Variants in ADK observed in about 807,000 individuals in gnomAD.
ADK encodes N6,N6-dimethyladenosine kinase.
ADK carries 24 observed loss-of-function variants against 44.7 expected under a neutral mutation model. The observed-to-expected ratio is 0.54, with a 90% CI of 0.39 to 0.76. ADK has a LOEUF of 0.76. Ranked by LOEUF, ADK falls within the 30% of genes least tolerant of loss-of-function variation. The pLI is 0.00. For missense variants in ADK, 321 were observed against 425.1 expected, an observed-to-expected ratio of 0.76 and a Z score of 2.15; for synonymous variants, 128 against 142.6, an observed-to-expected ratio of 0.90 and a Z score of 0.73.
chr10:74,168,024 A>C (rs1842075325), intron 1 of ADK, among the ~76,000 whole-genome samples: 1 of 152,198 alleles, frequency 6.6e-6, no homozygotes, highest in Admixed American at 6.5e-5. Flanking sequence ...TTAAAGTTTA[A>C]AATTTCTTTC....
intron 10 of ADK, among the ~76,000 whole-genome samples, chr10:74,688,088 A>G (rs1485716385): frequency 1.3e-5 from 2 of 152,154 alleles, no homozygotes; most frequent in Non-Finnish European, 2.9e-5. Flanking sequence ...CTTTGCCTGC[A>G]TGATGTAGCT....
intron 3 of ADK, among the ~76,000 whole-genome samples, chr10:74,239,249 CAT>C (rs1277857123): frequency 6.6e-6 from 1 of 151,818 alleles, no homozygotes; most frequent in African/African-American, 2.4e-5. Flanking sequence ...ACTATCAACA[CAT>C]GTTATGGAGT....
At chr10:74,351,474 C>G (rs1281014908) in intron 4 of ADK, among the ~76,000 whole-genome samples, 1 of 152,114 alleles carries the variant, frequency 6.6e-6, no homozygotes, top group South Asian at 2.1e-4. Flanking sequence ...ACTGAACAGG[C>G]AAAAGCTGGA....
At chr10:74,556,523 T>C (rs1376298704) in intron 7 of ADK, among the ~76,000 whole-genome samples, 1 of 152,224 alleles carries the variant, frequency 6.6e-6, no homozygotes, top group Non-Finnish European at 1.5e-5. Context: ...TCTGCTGTTG[T>C]ATATTTAGCC....
At chr10:74,205,497 A>G (rs7896617) in intron 2 of ADK, among the ~76,000 whole-genome samples, 111,768 of 151,754 alleles carry the variant, frequency 0.74, 41,857 homozygotes, top group Middle Eastern at 0.85. Context: ...CCAATAGGGC[A>G]AAATTCCGTC....
chr10:74,469,037 C>G (rs1167206901), intron 6 of ADK, among the ~76,000 whole-genome samples: 2 of 151,956 alleles, frequency 1.3e-5, no homozygotes, highest in East Asian at 3.9e-4. Flanking sequence ...AAATACATAT[C>G]ATAAAATTTC....
At chr10:74,314,983 T>C (rs1237834851) in intron 4 of ADK, among the ~76,000 whole-genome samples, 1 of 152,116 alleles carries the variant, frequency 6.6e-6, no homozygotes, top group Non-Finnish European at 1.5e-5. Context: ...TTAAATTGTT[T>C]CCTTTCACTA....
chr10:74,394,412 C>T (rs1262434339), intron 5 of ADK, 99 bp downstream of exon 5: 19 of 1,152,446 alleles, frequency 1.6e-5, no homozygotes, highest in Non-Finnish European at 2.3e-5. Context: ...CTTTATAATT[C>T]CTTTTAATGT....
At chr10:74,489,444 T>C (rs1847388129) in intron 6 of ADK, among the ~76,000 whole-genome samples, 1 of 151,972 alleles carries the variant, frequency 6.6e-6, no homozygotes, top group Non-Finnish European at 1.5e-5. Context: ...TGAACAAGGA[T>C]ACAGATGCAT....
At chr10:74,494,465 G>T (rs1350435226) in intron 6 of ADK, among the ~76,000 whole-genome samples, 5 of 151,958 alleles carry the variant, frequency 3.3e-5, no homozygotes, top group Admixed American at 6.6e-5. Context: ...ACAACTTTTA[G>T]TTTCTCCTAG....
intron 3 of ADK, among the ~76,000 whole-genome samples, chr10:74,310,518 G>A (rs570416906): frequency 6.6e-5 from 10 of 152,034 alleles, no homozygotes; most frequent in East Asian, 5.8e-4. Flanking sequence ...ATCACATCCT[G>A]TGTCTTCAAC....
intron 3 of ADK, among the ~76,000 whole-genome samples, chr10:74,258,302 A>G (rs1845902035): frequency 6.6e-6 from 1 of 152,166 alleles, no homozygotes. Context: ...GTCAATATTA[A>G]TAATTGGTTT....
chr10:74,435,743 C>T (rs1845159708), intron 6 of ADK, among the ~76,000 whole-genome samples: 3 of 151,748 alleles, frequency 2.0e-5, no homozygotes, highest in Admixed American at 6.6e-5. Context: ...CCAATGAAGC[C>T]AGAAGGTAAT....
chr10:74,530,382 T>C (rs1360679267), intron 7 of ADK: 5 of 152,060 alleles, frequency 3.3e-5, no homozygotes, highest in Non-Finnish European at 1.5e-5. Context: ...ATGTCAAAAC[T>C]CAGCTAAAAT....
chr10:74,480,266 A>C (rs1847019574), intron 6 of ADK, among the ~76,000 whole-genome samples: 1 of 145,850 alleles, frequency 6.9e-6, no homozygotes, highest in Non-Finnish European at 1.5e-5. Context: ...TCACTCTGTC[A>C]CCCAGGCTGG....
intron 3 of ADK, among the ~76,000 whole-genome samples, chr10:74,306,172 G>A (rs1840242900): frequency 6.6e-6 from 1 of 151,644 alleles, no homozygotes; most frequent in African/African-American, 2.4e-5. Context: ...CCTGCAGATT[G>A]GAAAATTTTT....
intron 7 of ADK, among the ~76,000 whole-genome samples, chr10:74,586,272 C>T (rs1851522351): frequency 6.6e-6 from 1 of 152,142 alleles, no homozygotes; most frequent in African/African-American, 2.4e-5. Context: ...GGGAGGAAGT[C>T]AGAAGATAAG....
chr10:74,693,208 A>T (rs1379506227), intron 10 of ADK, among the ~76,000 whole-genome samples: 1 of 152,186 alleles, frequency 6.6e-6, no homozygotes, highest in East Asian at 1.9e-4. Flanking sequence ...ACACCCACTA[A>T]CTAATGTAAC....
chr10:74,333,578 G>A (rs1002846624), intron 4 of ADK, among the ~76,000 whole-genome samples: 2 of 152,080 alleles, frequency 1.3e-5, no homozygotes, highest in African/African-American at 4.8e-5. Context: ...ATCCATGGTG[G>A]GGAGTATGAA....
Sources: gnomAD v4.1 joint callset for allele counts (sites outside exome capture counted in the v4.1 genomes callset) on GRCh38, gnomAD v4.1.1 for gene constraint, MANE v1.5 for transcripts, NCBI Gene and HGNC (gene_info 2026-07-23, HGNC 2026-07-21) for gene names.